Variants in STOM observed in about 807,000 individuals in gnomAD.
The protein encoded by STOM is erythrocyte band 7 integral membrane protein.
In STOM, 25 loss-of-function variants were observed where a neutral mutation model predicts 30.6. The ratio of observed to expected loss-of-function variants is 0.82; its 90% CI spans 0.60 to 1.14. The LOEUF is 1.14. Among genes scored for constraint, STOM ranks in the 50% most tolerant of loss-of-function variants. STOM has a pLI of 0.00. For missense variants in STOM, 292 were observed against 365.2 expected, an observed-to-expected ratio of 0.80 and a Z score of 1.63; for synonymous variants, 118 against 130.8, an observed-to-expected ratio of 0.90 and a Z score of 0.67.
chr9:121,364,828 T>A (rs2064487837), intron 1 of STOM, among the ~76,000 whole-genome samples: 1 of 152,174 alleles, frequency 6.6e-6, no homozygotes, highest in South Asian at 2.1e-4. Flanking sequence ...AAAACAACAT[T>A]TATCACACTT....
At chr9:121,370,015 G>T in intron 1 of STOM, 112 bp downstream of exon 1, 1 of 1,035,172 alleles carries the variant, frequency 9.7e-7, no homozygotes, top group Non-Finnish European at 1.4e-6. Context: ...TTGAGATCTC[G>T]CCCAGCCCGA....
chr9:121,366,291 C>A, intron 1 of STOM: 1 of 978,896 alleles, frequency 1.0e-6, no homozygotes, highest in Non-Finnish European at 1.2e-6. Flanking sequence ...AAGAATGTAG[C>A]AACAAGTGTG....
At chr9:121,369,624 T>G (rs2064542903) in intron 1 of STOM, among the ~76,000 whole-genome samples, 1 of 152,108 alleles carries the variant, frequency 6.6e-6, no homozygotes, top group African/African-American at 2.4e-5. Context: ...CCAGAGAGAC[T>G]TCTTCCTTCT....
At chr9:121,369,794 C>G (rs1419644902) in intron 1 of STOM, 3 of 315,224 alleles carry the variant, frequency 9.5e-6, no homozygotes, top group African/African-American at 6.4e-5. Context: ...CCCCGCCTCG[C>G]TGGCTGCCAG....
chr9:121,351,211 G>T (rs933570719), intron 4 of STOM, among the ~76,000 whole-genome samples: 6 of 152,236 alleles, frequency 3.9e-5, no homozygotes. Flanking sequence ...AATGTTTATA[G>T]TGGAAAATGC....
At chr9:121,362,333 A>C (rs1190482177) in intron 1 of STOM, among the ~76,000 whole-genome samples, 1 of 152,176 alleles carries the variant, frequency 6.6e-6, no homozygotes, top group Admixed American at 6.5e-5. Flanking sequence ...GTATTTTTTC[A>C]ATAATGAAAG....
chr9:121,367,960 G>T (rs1291221468), intron 1 of STOM, among the ~76,000 whole-genome samples: 3 of 152,170 alleles, frequency 2.0e-5, no homozygotes, highest in Non-Finnish European at 4.4e-5. Flanking sequence ...CATGTGAGCC[G>T]CAGTATCCTT....
rs1445877730 is a variant in STOM at position 121,354,646 on chromosome 9, T to C, written c.193A>G (p.Ile65Val). The change falls in exon 3 of 7, where the codon ATC (isoleucine) becomes GTC (valine). Residue 65 changes from isoleucine to valine, a missense_variant. By Grantham distance (29) the Ile-to-Val change is conservative (BLOSUM62 3). Coordinates refer to ENST00000286713, the MANE Select transcript of STOM (RefSeq NM_004099.6). ...TGTAAAATGCGACCCAATCTAAAGA[T>C]GATGGCTCTTTCATACTCTTTTATA... ...KIIKEYERAIIFRLGRILQGG... is the reference protein window; with the variant it reads ...KIIKEYERAIVFRLGRILQGG... 1 of 1,612,470 alleles carries C rather than the reference T, an allele frequency of 6.2e-7. No homozygotes were observed. Among genetic ancestry groups the C allele is most frequent in the African/African-American group, 1.3e-5 (1 of 74,990 alleles).
At position 121,340,288 on chromosome 9, in the gene STOM, C is replaced by T. The variant is rs147874555; in HGVS notation, c.*914G>A. 3 of 985,356 alleles carry T rather than the reference C, an allele frequency of 3.0e-6. No individual in the cohort carries two copies. The African/African-American group carries it at 5.2e-5, about 17-fold the overall frequency. 61.0% of individuals were successfully genotyped at this position (985,356 alleles called of 1,614,324 possible). On this transcript the variant is annotated 3_prime_UTR_variant, in exon 7 of 7. Coordinates refer to ENST00000286713, the MANE Select transcript of STOM (RefSeq NM_004099.6). ...CCACTCTAGTAGTGAATTTAAAAGT[C>T]TTTTAAGGGTTAGAGTAATCTTTTT...
chr9:121,369,918 C>A (rs992972471), intron 1 of STOM: 1 of 507,352 alleles, frequency 2.0e-6, no homozygotes, highest in African/African-American at 1.9e-5. Context: ...GGAAACGTGC[C>A]GTTGGCAGCC....
intron 6 of STOM, 128 bp downstream of exon 6, chr9:121,347,887 T>G: frequency 3.4e-6 from 4 of 1,186,396 alleles, no homozygotes; most frequent in Admixed American, 2.9e-5. Flanking sequence ...ACGGGGAGGG[T>G]TTTCACTTCT....
intron 1 of STOM, among the ~76,000 whole-genome samples, chr9:121,365,446 A>C (rs929246081): frequency 6.6e-6 from 1 of 150,636 alleles, no homozygotes; most frequent in Non-Finnish European, 1.5e-5. Context: ...GAAATACATG[A>C]AAACAGAACA....
At chr9:121,359,438 A>C (rs1353125301) in intron 1 of STOM, among the ~76,000 whole-genome samples, 5 of 152,122 alleles carry the variant, frequency 3.3e-5, no homozygotes, top group Non-Finnish European at 7.4e-5. Flanking sequence ...GGAGGTTTCT[A>C]AGTTATAATT....
chr9:121,339,056 CAG>C lies in STOM; in HGVS notation c.*2144_*2145del, dbSNP rs2064223877. 1 of 152,246 alleles carries C rather than the reference CAG, an allele frequency of 6.6e-6. No homozygotes were observed. The highest frequency in any genetic ancestry group is 2.1e-4 in the South Asian group (1 of 4,828). 9.4% of individuals were successfully genotyped at this position (152,246 alleles called of 1,614,324 possible). Reference sequence around the variant, plus strand: ...CACAGACATTCAATACAGGCCGAAACAGACTCTCACCCCAAAAATATTAGTGA... The same window carrying C: ...CACAGACATTCAATACAGGCCGAAACACTCTCACCCCAAAAATATTAGTGA... On this transcript the variant is annotated 3_prime_UTR_variant, in exon 7 of 7. Transcript: ENST00000286713.
chr9:121,356,531 G>A (rs41296071), intron 1 of STOM, among the ~76,000 whole-genome samples: 4,365 of 152,306 alleles, frequency 0.029, 82 homozygotes, highest in Middle Eastern at 0.061. Flanking sequence ...TAGGTGGTAA[G>A]TACAGATATA....
rs36030273 is a variant in STOM, at chr9:121,355,387, CAA to C, written c.165+664_165+665del. Among the ~76,000 whole-genome samples, 381 of 96,010 alleles carry C rather than the reference CAA, an allele frequency of 4.0e-3. 1 individual carries two copies. The highest frequency in any genetic ancestry group is 0.013 in the African/African-American group (349 of 27,676). 63.0% of individuals were successfully genotyped at this position (96,010 alleles called of 152,430 possible). A position where few individuals can be genotyped will look rare whatever the true frequency, so the allele number is the denominator to read the frequency against. ...TGGGCGACAGAGCAAGGCTCTGGCT[CAA>C]AAAAAAAAAAAAAAATTACTCATGC... On this transcript the variant is annotated intron_variant, in intron 2 of 6. Transcript: ENST00000286713.
At chr9:121,363,583 T>C (rs557178838) in intron 1 of STOM, among the ~76,000 whole-genome samples, 39 of 152,294 alleles carry the variant, frequency 2.6e-4, no homozygotes, top group African/African-American at 8.7e-4. Flanking sequence ...CAATAAAACT[T>C]ATGGACATAA....
At chr9:121,348,890 A>G (rs900165232) in intron 5 of STOM, among the ~76,000 whole-genome samples, 3 of 152,234 alleles carry the variant, frequency 2.0e-5, no homozygotes, top group Non-Finnish European at 4.4e-5. Flanking sequence ...CTGGAAAAAA[A>G]TACACACTGA....
chr9:121,350,044 G>A (rs1227554704), intron 4 of STOM, among the ~76,000 whole-genome samples: 1 of 152,204 alleles, frequency 6.6e-6, no homozygotes, highest in African/African-American at 2.4e-5. Context: ...ACATTCAAGT[G>A]CTCAGAAAAG....
Sources: gnomAD v4.1 joint callset for allele counts (sites outside exome capture counted in the v4.1 genomes callset) on GRCh38, gnomAD v4.1.1 for gene constraint, MANE v1.5 for transcripts, NCBI Gene and HGNC (gene_info 2026-07-23, HGNC 2026-07-21) for gene names.